Variants in LPIN1 observed in about 807,000 individuals in gnomAD.
The protein encoded by LPIN1 is phosphatidate phosphatase LPIN1.
A neutral mutation model predicts 107.5 loss-of-function variants in LPIN1; 71 were observed. The observed-to-expected ratio is 0.66, with a 90% CI of 0.55 to 0.80. LPIN1 has a LOEUF of 0.80. Ranked by LOEUF, LPIN1 falls within the 30% of genes least tolerant of loss-of-function variation. The pLI is 0.00. For synonymous variants in LPIN1, 445 were observed against 452.6 expected (o/e 0.98, Z 0.21); for missense variants, 1,043 against 1,160.6 (o/e 0.90, Z 1.47).
intron 1 of LPIN1, among the ~76,000 whole-genome samples, chr2:11,713,152 G>A (rs1157160953): frequency 1.3e-5 from 2 of 152,188 alleles, no homozygotes; most frequent in Non-Finnish European, 2.9e-5. Context: ...TGTGCTTTGG[G>A]GAAGACATGA....
At chr2:11,806,974 C>T (rs1053000129) in intron 17 of LPIN1, among the ~76,000 whole-genome samples, 12 of 152,260 alleles carry the variant, frequency 7.9e-5, no homozygotes, top group East Asian at 1.9e-4. Context: ...AGAATCCTGT[C>T]GTCTAGATAC....
chr2:11,734,963 A>G (rs994901489), intron 1 of LPIN1, among the ~76,000 whole-genome samples: 3 of 152,180 alleles, frequency 2.0e-5, no homozygotes, highest in African/African-American at 4.8e-5. Context: ...ACGAGACAGA[A>G]GGAACAAGGG....
intron 13 of LPIN1, among the ~76,000 whole-genome samples, chr2:11,793,600 G>T (rs1327011503): frequency 1.3e-5 from 2 of 152,134 alleles, no homozygotes; most frequent in Non-Finnish European, 2.9e-5. Context: ...ATGGCTGAAG[G>T]TACCTTCTAC....
chr2:11,686,824 T>C (rs1237164633), intron 1 of LPIN1, among the ~76,000 whole-genome samples: 1 of 152,036 alleles, frequency 6.6e-6, no homozygotes, highest in Non-Finnish European at 1.5e-5. Context: ...GGTCCTTTTG[T>C]GGGTAAGTAG....
intron 1 of LPIN1, among the ~76,000 whole-genome samples, chr2:11,712,472 A>G (rs960144645): frequency 6.6e-6 from 1 of 152,056 alleles, no homozygotes. Context: ...CCTGCCCTCC[A>G]CTAGCTTATG....
At chr2:11,807,751 AC>A in intron 17 of LPIN1, among the ~76,000 whole-genome samples, 1 of 152,144 alleles carries the variant, frequency 6.6e-6, no homozygotes, top group Non-Finnish European at 1.5e-5. Flanking sequence ...TTGTCCGCGC[AC>A]CCAGTCAGGC....
intron 1 of LPIN1, among the ~76,000 whole-genome samples, chr2:11,730,207 A>G (rs925276930): frequency 1.3e-5 from 2 of 151,846 alleles, no homozygotes; most frequent in Non-Finnish European, 2.9e-5. Flanking sequence ...CAGTTTGGGT[A>G]ATTTCTGTTA....
At chr2:11,824,347 T>A (rs1222532414) in intron 20 of LPIN1, among the ~76,000 whole-genome samples, 1 of 151,444 alleles carries the variant, frequency 6.6e-6, no homozygotes, top group African/African-American at 2.4e-5. Flanking sequence ...GACTTCCTCC[T>A]GCCGTCTTTT....
chr2:11,799,670 C>G (rs1233568133), intron 14 of LPIN1, among the ~76,000 whole-genome samples: 1 of 151,980 alleles, frequency 6.6e-6, no homozygotes, highest in Non-Finnish European at 1.5e-5. Context: ...GGAGGAATTT[C>G]CTAGGATGAG....
chr2:11,765,167 G>A lies in LPIN1; in HGVS notation c.-9-366G>A, dbSNP rs1558841877. ...ATGATGGACCGTGATGGGCCGTAAC[G>A]GGCCGTGATGGACCCTGATGGGCTG... On this transcript the variant is annotated intron_variant, in intron 1 of 20. Transcript: ENST00000674199. The surrounding 1 kb of genome is among the most constrained non-coding windows in gnomAD (Gnocchi z 4.4). 1.3e-5 allele frequency among the ~76,000 whole-genome samples: 2 copies of A among 152,066 alleles called. No homozygotes were observed. Among genetic ancestry groups the A allele is most frequent in the Admixed American group, 6.5e-5 (1 of 15,274 alleles).
chr2:11,781,058 T>A (rs754744495), intron 7 of LPIN1, among the ~76,000 whole-genome samples: 3 of 152,238 alleles, frequency 2.0e-5, no homozygotes, highest in Non-Finnish European at 2.9e-5. Flanking sequence ...AAAAATATTG[T>A]AAGGTCCTTA....
In LPIN1 at chr2:11,706,682, C is replaced by G. The variant is rs1663143561; in HGVS notation, c.82-7074C>G. 2.0e-5 allele frequency among the ~76,000 whole-genome samples: 3 copies of G among 152,328 alleles called. No individual in the cohort carries two copies. In the South Asian group the frequency reaches 6.2e-4, roughly 32 times the overall value. On this transcript the variant is annotated intron_variant, in intron 1 of 21. Coordinates refer to the LPIN1 transcript ENST00000449576. Reference sequence around the variant, plus strand: ...TTATAACAAGGGCTTAGATCCAATTCCCTTGAGTATGAATTCTCTTTCCAT... The same window carrying G: ...TTATAACAAGGGCTTAGATCCAATTGCCTTGAGTATGAATTCTCTTTCCAT...
chr2:11,803,183 C>T lies in LPIN1; in HGVS notation c.2013+150C>T, dbSNP rs1393148788. 24 of 1,052,790 alleles carry T rather than the reference C, an allele frequency of 2.3e-5. No individual in the cohort carries two copies. Among genetic ancestry groups the T allele is most frequent in the Non-Finnish European group, 3.2e-5 (22 of 693,152 alleles). The allele number at this position is 1,052,790 out of a possible 1,614,324, so 65.2% of individuals were successfully genotyped here. A position where few individuals can be genotyped will look rare whatever the true frequency, so the allele number is the denominator to read the frequency against. On this transcript the variant is annotated intron_variant, in intron 15 of 20. Coordinates refer to ENST00000674199, the MANE Select transcript of LPIN1 (RefSeq NM_001349206.2). The surrounding 1 kb of genome is among the most constrained non-coding windows in gnomAD (Gnocchi z 4.2). Reference sequence around the variant, plus strand: ...CCCTCAACTGGGTACCCGCTGTTTCCACCCCAACTCCAGCACTATCCAGGC... The same window carrying T: ...CCCTCAACTGGGTACCCGCTGTTTCTACCCCAACTCCAGCACTATCCAGGC...
At chr2:11,693,637 C>T (rs1169413331) in intron 1 of LPIN1, among the ~76,000 whole-genome samples, 1 of 151,642 alleles carries the variant, frequency 6.6e-6, no homozygotes, top group East Asian at 1.9e-4. Context: ...CTTGGCACCT[C>T]TCTGAGCCTC....
intron 11 of LPIN1, 113 bp downstream of exon 11, chr2:11,787,280 A>G (rs1207820461): frequency 3.8e-6 from 3 of 789,594 alleles, no homozygotes; most frequent in Non-Finnish European, 6.6e-6. Context: ...AGACTTTGCT[A>G]CATTGCATTA....
chr2:11,759,181 C>CTTTCTTTCTTTCT, intron 1 of LPIN1, among the ~76,000 whole-genome samples: 1 of 132,544 alleles, frequency 7.5e-6, no homozygotes, highest in Admixed American at 7.7e-5. Flanking sequence ...TTCTTTCTTT[C>CTTTCTTTCTTTCT]TTTCTTTCTT....
rs1036856889 is a variant in LPIN1, at chr2:11,771,056, G to A, written c.289-316G>A. On this transcript the variant is annotated intron_variant, in intron 3 of 20. Coordinates refer to ENST00000674199, the MANE Select transcript of LPIN1 (RefSeq NM_001349206.2). The surrounding 1 kb of genome is among the most constrained non-coding windows in gnomAD (Gnocchi z 4.8). ...GTCAAAGCCCATTTTTTTCCTCTGT[G>A]CTCTGGGTATTACAGCCAAAGTTGA... Among the ~76,000 whole-genome samples the A allele has an allele frequency of 5.3e-5, 8 of 152,142 alleles. No homozygotes were observed. Among genetic ancestry groups the A allele is most frequent in the African/African-American group, 1.9e-4 (8 of 41,428 alleles).
intron 1 of LPIN1, among the ~76,000 whole-genome samples, chr2:11,740,623 G>T (rs1233414371): frequency 6.9e-6 from 1 of 145,662 alleles, no homozygotes; most frequent in East Asian, 2.0e-4. Context: ...GGTGGAGGTT[G>T]CAGTGAGCCA....
At chr2:11,768,804 C>T (rs919702522) in intron 3 of LPIN1, among the ~76,000 whole-genome samples, 2 of 152,078 alleles carry the variant, frequency 1.3e-5, no homozygotes, top group African/African-American at 2.4e-5. Context: ...GGCGTGGTGG[C>T]GGGTGCCTGT....
Sources: allele counts gnomAD v4.1 joint callset (sites outside exome capture counted in the v4.1 genomes callset), GRCh38; gene constraint gnomAD v4.1.1; non-coding constraint Gnocchi (gnomAD v3.1); transcripts MANE v1.5; gene names NCBI Gene and HGNC (gene_info 2026-07-23, HGNC 2026-07-21).